Variants in SAMD5 observed in about 807,000 individuals in gnomAD.
SAMD5 encodes sterile alpha motif domain-containing protein 5.
SAMD5 carries 13 observed loss-of-function variants against 11.3 expected under a neutral mutation model. That is an observed-to-expected ratio of 1.15 (90% CI 0.75 to 1.83). The LOEUF is 1.83. SAMD5 is among the 40% of genes most tolerant of loss of function. SAMD5 has a pLI of 0.00. For missense variants in SAMD5, 255 were observed against 239.1 expected, an observed-to-expected ratio of 1.07 and a Z score of -0.44; for synonymous variants, 129 against 111.3, an observed-to-expected ratio of 1.16 and a Z score of -1.00.
the SAMD5 span, among the ~76,000 whole-genome samples, chr6:147,764,807 A>G: frequency 6.6e-6 from 1 of 152,212 alleles, no homozygotes; most frequent in East Asian, 1.9e-4. Context: ...CTGTTTGCAT[A>G]TCATGTACAT....
At chr6:147,838,539 C>CA in the SAMD5 span, among the ~76,000 whole-genome samples, 2 of 145,436 alleles carry the variant, frequency 1.4e-5, no homozygotes, top group South Asian at 4.7e-4. Flanking sequence ...CTGCCCCCCC[C>CA]CCGTAGTTAT....
intron 1 of SAMD5, among the ~76,000 whole-genome samples, chr6:147,577,867 A>G (rs764072033): frequency 6.6e-6 from 1 of 152,072 alleles, no homozygotes; most frequent in Non-Finnish European, 1.5e-5. Context: ...ATGTAAATCT[A>G]GTGTATAGTA....
intron 1 of SAMD5, among the ~76,000 whole-genome samples, chr6:147,662,674 G>T (rs1271593767): frequency 6.6e-6 from 1 of 152,160 alleles, no homozygotes; most frequent in Non-Finnish European, 1.5e-5. Flanking sequence ...AGAGTGTCCA[G>T]ATGAAAAGCC....
chr6:147,702,875 A>G lies in SAMD5; in HGVS notation c.163-34442A>G, dbSNP rs145882951. ...CCTGTTTCCCAGAAAGCTTACATACAAATCTTTTCTATCTTGAATTGTATT... is the reference window on the plus strand; with the variant it reads ...CCTGTTTCCCAGAAAGCTTACATACGAATCTTTTCTATCTTGAATTGTATT... On this transcript the variant is annotated intron_variant, in intron 1 of 1. Transcript: ENST00000566741. Among the ~76,000 whole-genome samples, 389 of 152,202 alleles carry G rather than the reference A, an allele frequency of 2.6e-3. 1 individual carries two copies. The highest frequency in any genetic ancestry group is 9.0e-3 in the African/African-American group (375 of 41,512).
the SAMD5 span, among the ~76,000 whole-genome samples, chr6:147,884,926 C>A: frequency 6.6e-6 from 1 of 152,138 alleles, no homozygotes; most frequent in African/African-American, 2.4e-5. Flanking sequence ...ACCATAGCTT[C>A]ACTTAATAAT....
At chr6:147,588,914 G>A (rs1405281530) in intron 1 of SAMD5, among the ~76,000 whole-genome samples, 1 of 151,988 alleles carries the variant, frequency 6.6e-6, no homozygotes, top group Non-Finnish European at 1.5e-5. Flanking sequence ...AGACAGCCTT[G>A]CTGGGGGACT....
chr6:147,574,252 G>T (rs1396648654), downstream of SAMD5, among the ~76,000 whole-genome samples: 1 of 152,002 alleles, frequency 6.6e-6, no homozygotes, highest in African/African-American at 2.4e-5. Context: ...CACTTTCCAT[G>T]TATTATCCCA....
intron 1 of SAMD5, among the ~76,000 whole-genome samples, chr6:147,535,418 G>A (rs1216408837): frequency 1.3e-5 from 2 of 152,200 alleles, no homozygotes; most frequent in African/African-American, 4.8e-5. Context: ...TTAGTTTGGG[G>A]ATTTTAACCT....
chr6:147,837,616 G>T, the SAMD5 span, among the ~76,000 whole-genome samples: 1 of 152,296 alleles, frequency 6.6e-6, no homozygotes, highest in African/African-American at 2.4e-5. Context: ...TTAGGATAAA[G>T]CTGACTCTGT....
intron 1 of SAMD5, among the ~76,000 whole-genome samples, chr6:147,552,320 A>G (rs1259191709): frequency 1.3e-5 from 2 of 152,246 alleles, no homozygotes; most frequent in Non-Finnish European, 2.9e-5. Context: ...CCTGTTGTAC[A>G]TTAACCAATG....
intron 1 of SAMD5, among the ~76,000 whole-genome samples, chr6:147,577,814 G>C (rs1789237967): frequency 6.6e-6 from 1 of 152,034 alleles, no homozygotes; most frequent in South Asian, 2.1e-4. Context: ...ATGTACTTTT[G>C]ATGATAGAGT....
At chr6:147,802,458 T>C in the SAMD5 span, among the ~76,000 whole-genome samples, 1 of 152,232 alleles carries the variant, frequency 6.6e-6, no homozygotes, top group Admixed American at 6.5e-5. Flanking sequence ...AAGTTGCCCA[T>C]AGGAGTGAAA....
chr6:147,583,719 C>T (rs1789333725), intron 1 of SAMD5, among the ~76,000 whole-genome samples: 1 of 151,886 alleles, frequency 6.6e-6, no homozygotes, highest in African/African-American at 2.4e-5. Context: ...GCCATTCTGC[C>T]CCATAGAACG....
chr6:147,796,124 G>A, the SAMD5 span, among the ~76,000 whole-genome samples: 11 of 149,134 alleles, frequency 7.4e-5, no homozygotes, highest in Admixed American at 2.0e-4. Context: ...TGGTGTTTTA[G>A]ACATGAAGTC....
the SAMD5 span, among the ~76,000 whole-genome samples, chr6:147,921,891 A>G: frequency 7.2e-5 from 11 of 152,216 alleles, no homozygotes; most frequent in Admixed American, 7.2e-4. Flanking sequence ...AAAATACTTC[A>G]TTATGGGAAA....
At chr6:147,818,131 A>T in the SAMD5 span, among the ~76,000 whole-genome samples, 1 of 152,142 alleles carries the variant, frequency 6.6e-6, no homozygotes, top group Non-Finnish European at 1.5e-5. Context: ...GCATGTTCTC[A>T]TACACCTTCA....
chr6:147,750,308 C>T, the SAMD5 span, among the ~76,000 whole-genome samples: 1 of 152,206 alleles, frequency 6.6e-6, no homozygotes, highest in Non-Finnish European at 1.5e-5. Flanking sequence ...AATGCAAATA[C>T]AGGACAGAAT....
At chr6:147,918,758 C>T in the SAMD5 span, among the ~76,000 whole-genome samples, 19 of 140,652 alleles carry the variant, frequency 1.4e-4, no homozygotes, top group Admixed American at 5.5e-4. Context: ...AATGCAGTGG[C>T]GTGATCTCGG....
At chr6:147,742,968 G>C in the SAMD5 span, among the ~76,000 whole-genome samples, 1 of 152,118 alleles carries the variant, frequency 6.6e-6, no homozygotes, top group Non-Finnish European at 1.5e-5. Context: ...AAATGTGGAG[G>C]TACAAGAAGG....
Sources: allele counts gnomAD v4.1 joint callset (sites outside exome capture counted in the v4.1 genomes callset), GRCh38; gene constraint gnomAD v4.1.1; transcripts MANE v1.5; gene names NCBI Gene and HGNC (gene_info 2026-07-23, HGNC 2026-07-21).